Variants in ADGRL2 observed in about 807,000 individuals in gnomAD.
ADGRL2 encodes the protein adhesion G protein-coupled receptor L2.
In ADGRL2, 44 loss-of-function variants were observed where a neutral mutation model predicts 157.4. The observed-to-expected ratio is 0.28, with a 90% CI of 0.22 to 0.36. The LOEUF is 0.36. ADGRL2 is among the 10% of genes least tolerant of loss of function. The pLI, the probability that ADGRL2 is intolerant of heterozygous loss-of-function variation, is 1.00. For missense variants in ADGRL2, 1,510 were observed against 1,768.9 expected (o/e 0.85, Z 2.63); for synonymous variants, 585 against 624.7 (o/e 0.94, Z 0.95).
rs146419584 is a variant in ADGRL2 at position 81,675,023 on chromosome 1, A to G, written c.-142-86788A>G. ...TTTCACAGATTTCAGGCCAGGTGCAAGTATCTCATGCAAACGAATACCTTC... is the reference window on the plus strand; with the variant it reads ...TTTCACAGATTTCAGGCCAGGTGCAGGTATCTCATGCAAACGAATACCTTC... On this transcript the variant is annotated intron_variant, in intron 3 of 24. Transcript: ENST00000370721. 2.7e-4 allele frequency among the ~76,000 whole-genome samples: 41 copies of G among 152,314 alleles called. No homozygotes were observed. In the East Asian group the frequency reaches 7.7e-3, roughly 29 times the overall value.
At chr1:81,691,878 G>A (rs887129937) in intron 3 of ADGRL2, among the ~76,000 whole-genome samples, 11 of 122,466 alleles carry the variant, frequency 9.0e-5, no homozygotes, top group South Asian at 2.5e-4. Context: ...GTGTGTGTGT[G>A]TGTATATATA....
At chr1:81,928,247 A>G (rs1046904744) in intron 3 of ADGRL2, among the ~76,000 whole-genome samples, 1 of 152,124 alleles carries the variant, frequency 6.6e-6, no homozygotes, top group South Asian at 2.1e-4. Context: ...CCTTTTAAAT[A>G]GGTAATCTAT....
upstream of ADGRL2, among the ~76,000 whole-genome samples, chr1:81,797,365 C>G (rs967960187): frequency 6.6e-6 from 1 of 151,882 alleles, no homozygotes; most frequent in Non-Finnish European, 1.5e-5. Context: ...GGCAAAAATA[C>G]ACTCCCCATA....
intron 2 of ADGRL2, among the ~76,000 whole-genome samples, chr1:81,792,621 G>T (rs1339264502): frequency 1.3e-5 from 2 of 151,924 alleles, no homozygotes; most frequent in Non-Finnish European, 2.9e-5. Flanking sequence ...GCTAATAAAG[G>T]TTTTATGAGA....
chr1:81,361,161 T>C (rs1292140235), intron 1 of ADGRL2, among the ~76,000 whole-genome samples: 1 of 151,908 alleles, frequency 6.6e-6, no homozygotes. Context: ...GCATCATTCG[T>C]TAGATGATTC....
intron 2 of ADGRL2, among the ~76,000 whole-genome samples, chr1:81,781,176 A>G (rs1203900803): frequency 6.6e-6 from 1 of 152,104 alleles, no homozygotes; most frequent in Non-Finnish European, 1.5e-5. Flanking sequence ...CAATAGCTAC[A>G]CAGTATGTTT....
chr1:81,686,335 A>G (rs115294032), intron 3 of ADGRL2, among the ~76,000 whole-genome samples: 4,349 of 152,096 alleles, frequency 0.029, 74 homozygotes, highest in South Asian at 0.055. Context: ...TCTGTTTGGG[A>G]TATCTAATTC....
intron 1 of ADGRL2, among the ~76,000 whole-genome samples, chr1:81,748,467 C>CAAAAAAAAAAAAAAAAAAA (rs973818702): frequency 2.4e-5 from 1 of 42,420 alleles, no homozygotes; most frequent in Non-Finnish European, 4.4e-5. Flanking sequence ...GATTCCGTCT[C>CAAAAAAAAAAAAAAAAAAA]AAAAAAAAAA....
intron 8 of ADGRL2, 92 bp from the exon 9 acceptor site, chr1:81,951,865 T>C (rs1280906738): frequency 3.0e-6 from 3 of 994,988 alleles, no homozygotes; most frequent in Non-Finnish European, 4.3e-6. Flanking sequence ...CATTCGCAAA[T>C]TTTTTTCACC....
At chr1:81,577,701 A>G (rs1463390294) in intron 2 of ADGRL2, among the ~76,000 whole-genome samples, 1 of 152,150 alleles carries the variant, frequency 6.6e-6, no homozygotes, top group African/African-American at 2.4e-5. Context: ...CCCATTTCAA[A>G]TATTTCCCAT....
At position 81,577,411 on chromosome 1, in the gene ADGRL2, G is replaced by T. The variant is rs151078611; in HGVS notation, c.-247-3465G>T. 2.0e-5 allele frequency among the ~76,000 whole-genome samples: 3 copies of T among 152,280 alleles called. No homozygotes were observed. The East Asian group carries it at 5.8e-4, about 29-fold the overall frequency. On this transcript the variant is annotated intron_variant, in intron 2 of 24. Coordinates refer to the ADGRL2 transcript ENST00000370721. Reference sequence around the variant, plus strand: ...TCCCACAAAGGTCTTCTCTGTGTGTGCATTGTCTCTCAGACAATATGACAT... The same window carrying T: ...TCCCACAAAGGTCTTCTCTGTGTGTTCATTGTCTCTCAGACAATATGACAT...
At chr1:81,330,241 A>C (rs1405900388) in intron 1 of ADGRL2, among the ~76,000 whole-genome samples, 1 of 152,148 alleles carries the variant, frequency 6.6e-6, no homozygotes, top group African/African-American at 2.4e-5. Context: ...TGGGGTCAGA[A>C]GATAATCTCA....
chr1:81,862,024 G>A (rs200174857), intron 2 of ADGRL2, among the ~76,000 whole-genome samples: 2 of 151,988 alleles, frequency 1.3e-5, no homozygotes, highest in African/African-American at 4.8e-5. Flanking sequence ...CGTAGAATGC[G>A]GCCGAAGATA....
intron 16 of ADGRL2, 65 bp from the exon 17 acceptor site, chr1:81,971,787 A>G: frequency 1.2e-6 from 1 of 857,188 alleles, no homozygotes. Flanking sequence ...TTAAAATCCT[A>G]TTTTCCTTGT....
intron 1 of ADGRL2, among the ~76,000 whole-genome samples, chr1:81,733,687 C>T (rs9659808): frequency 0.29 from 43,501 of 151,944 alleles, 6,399 homozygotes; most frequent in South Asian, 0.39. Flanking sequence ...ACATATGTTG[C>T]AGTGAGTGGA....
rs552756767 is a variant in ADGRL2 at position 81,663,581 on chromosome 1, T to A, written c.-143+82601T>A. Among the ~76,000 whole-genome samples, 11 of 152,338 alleles carry A rather than the reference T, an allele frequency of 7.2e-5. No individual in the cohort carries two copies. In the East Asian group the frequency reaches 1.9e-3, roughly 27 times the overall value. On this transcript the variant is annotated intron_variant, in intron 3 of 24. Transcript: ENST00000370721. Reference sequence around the variant, plus strand: ...TTCCTTGCCCCTTACAGTGGCAAAATTACTTCCATGTCACTTGGTAAGTGT... The same window carrying A: ...TTCCTTGCCCCTTACAGTGGCAAAAATACTTCCATGTCACTTGGTAAGTGT...
At chr1:81,905,074 CTTTCT>C (rs2094559076) in intron 2 of ADGRL2, among the ~76,000 whole-genome samples, 1 of 151,214 alleles carries the variant, frequency 6.6e-6, no homozygotes, top group East Asian at 1.9e-4. Flanking sequence ...GTGCACTGAT[CTTTCT>C]TTTCTTTTTC....
At chr1:81,896,833 G>C (rs1246981566) in intron 2 of ADGRL2, among the ~76,000 whole-genome samples, 1 of 152,074 alleles carries the variant, frequency 6.6e-6, no homozygotes, top group East Asian at 1.9e-4. Context: ...TCTGATAGAG[G>C]AGCTCATAAT....
At chr1:81,434,030 G>A (rs1272844041) in intron 1 of ADGRL2, among the ~76,000 whole-genome samples, 5 of 152,192 alleles carry the variant, frequency 3.3e-5, no homozygotes, top group African/African-American at 9.7e-5. Flanking sequence ...AAAAGAACAA[G>A]GCAATGTTGC....
Sources: allele counts gnomAD v4.1 joint callset (sites outside exome capture counted in the v4.1 genomes callset), GRCh38; gene constraint gnomAD v4.1.1; transcripts MANE v1.5; gene names NCBI Gene and HGNC (gene_info 2026-07-23, HGNC 2026-07-21).